The following SLC16A7 variants were observed in gnomAD, a reference collection of about 807,000 sequenced individuals.
SLC16A7 encodes the protein solute carrier family 16 member 7.
In SLC16A7, 33 loss-of-function variants were observed where a neutral mutation model predicts 34.9. The observed-to-expected ratio is 0.94, with a 90% CI of 0.72 to 1.26. SLC16A7 has a LOEUF of 1.26. Ranked by LOEUF, SLC16A7 falls within the 50% of genes most tolerant of loss-of-function variation. The probability of loss-of-function intolerance (pLI) is 0.00; values close to 1 mark genes in which losing one functional copy is unlikely to be tolerated. For missense variants in SLC16A7, 573 were observed against 578.1 expected (o/e 0.99, Z 0.09); for synonymous variants, 201 against 206.6 (o/e 0.97, Z 0.23).
rs148097502 is a variant in SLC16A7, at chr12:59,613,017, G to A, written c.-130+16781G>A. On this transcript the variant is annotated intron_variant, in intron 1 of 5. Transcript: ENST00000547379. ...CACATATTTGGGGATCTTTACAGCA[G>A]CACCCCACTCCTGGTACCAATTTAC... 8.1e-3 allele frequency among the ~76,000 whole-genome samples: 1,237 copies of A among 152,252 alleles called. 6 individuals are homozygous for A. Among genetic ancestry groups the A allele is most frequent in the Non-Finnish European group, 0.013 (851 of 68,022 alleles).
intron 4 of SLC16A7, among the ~76,000 whole-genome samples, chr12:59,773,767 G>A (rs1444359883): frequency 1.3e-5 from 2 of 152,056 alleles, no homozygotes; most frequent in Non-Finnish European, 2.9e-5. Context: ...GTTTCACCAT[G>A]TTGGCCAGGA....
chr12:59,637,221 A>T (rs1880468512), intron 1 of SLC16A7, among the ~76,000 whole-genome samples: 1 of 152,090 alleles, frequency 6.6e-6, no homozygotes, highest in African/African-American at 2.4e-5. Context: ...CACATATTTA[A>T]ATTTTTAAAA....
intron 4 of SLC16A7, among the ~76,000 whole-genome samples, chr12:59,773,798 C>G (rs1882469880): frequency 6.6e-6 from 1 of 152,100 alleles, no homozygotes; most frequent in Non-Finnish European, 1.5e-5. Flanking sequence ...CTCCTGACCT[C>G]ATGATCCATC....
chr12:59,643,083 T>C (rs1412173935), intron 1 of SLC16A7, among the ~76,000 whole-genome samples: 1 of 152,110 alleles, frequency 6.6e-6, no homozygotes, highest in Non-Finnish European at 1.5e-5. Flanking sequence ...TATTGGTAAA[T>C]GATATTACTT....
intron 1 of SLC16A7, among the ~76,000 whole-genome samples, chr12:59,638,896 G>A (rs996275399): frequency 6.6e-6 from 1 of 152,086 alleles, no homozygotes; most frequent in African/African-American, 2.4e-5. Context: ...TAATTTAATA[G>A]CTTACAATCC....
intron 1 of SLC16A7, among the ~76,000 whole-genome samples, chr12:59,628,935 A>G (rs1168696218): frequency 6.6e-6 from 1 of 151,740 alleles, no homozygotes; most frequent in Non-Finnish European, 1.5e-5. Context: ...GGGCTGCTAT[A>G]ATGAAATAAT....
intron 3 of SLC16A7, among the ~76,000 whole-genome samples, chr12:59,738,449 A>G (rs1238028126): frequency 1.3e-5 from 2 of 152,188 alleles, no homozygotes; most frequent in Non-Finnish European, 2.9e-5. Context: ...AACAAGATGC[A>G]GATGAACTGG....
intron 3 of SLC16A7, among the ~76,000 whole-genome samples, chr12:59,750,376 AC>A (rs1879382002): frequency 1.3e-5 from 2 of 152,220 alleles, no homozygotes; most frequent in South Asian, 4.1e-4. Flanking sequence ...CAAGAAAAAA[AC>A]AACCCCATCA....
chr12:59,705,593 T>C (rs961524437), intron 3 of SLC16A7, among the ~76,000 whole-genome samples: 40 of 152,170 alleles, frequency 2.6e-4, no homozygotes, highest in African/African-American at 9.4e-4. Flanking sequence ...CATTCTATGT[T>C]CAAATGAGGG....
intron 2 of SLC16A7, among the ~76,000 whole-genome samples, chr12:59,662,135 A>G (rs1868885773): frequency 6.6e-6 from 1 of 152,012 alleles, no homozygotes; most frequent in African/African-American, 2.4e-5. Context: ...CAAAATATAT[A>G]TCTGAGCCTT....
intron 3 of SLC16A7, among the ~76,000 whole-genome samples, chr12:59,766,112 C>T (rs577404988): frequency 6.6e-6 from 1 of 152,158 alleles, no homozygotes; most frequent in Non-Finnish European, 1.5e-5. Context: ...AATGGAAGTT[C>T]ACTCATGATT....
intron 3 of SLC16A7, among the ~76,000 whole-genome samples, chr12:59,737,535 T>C (rs1458989581): frequency 6.6e-6 from 1 of 152,220 alleles, no homozygotes; most frequent in African/African-American, 2.4e-5. Flanking sequence ...AAAATGTTTA[T>C]GCTCCTTAAC....
chr12:59,687,493 T>C (rs922656851), intron 2 of SLC16A7, among the ~76,000 whole-genome samples: 9 of 152,176 alleles, frequency 5.9e-5, no homozygotes, highest in African/African-American at 1.9e-4. Flanking sequence ...GCCATTTTTC[T>C]AACTTCTTCT....
chr12:59,775,176 T>A lies in SLC16A7; in HGVS notation c.881T>A (p.Met294Lys). 3.7e-6 allele frequency: 6 copies of A among 1,614,168 alleles called. No homozygotes were observed. Among genetic ancestry groups the A allele is most frequent in the Non-Finnish European group, 5.1e-6 (6 of 1,180,032 alleles). The part of the protein sequence containing the change: ...FLLSVMAFVD[M>K]FARPSVGLIA... ...CTATCTGTTATGGCTTTCGTTGATATGTTTGCTAGGCCTTCTGTAGGATTA... is the reference window on the plus strand; with the variant it reads ...CTATCTGTTATGGCTTTCGTTGATAAGTTTGCTAGGCCTTCTGTAGGATTA... Residue 294 changes from methionine to lysine, a missense_variant, in exon 5 of 6, where the codon ATG becomes AAG. By Grantham distance (95) the Met-to-Lys change is moderately conservative. Coordinates refer to ENST00000547379, the MANE Select transcript of SLC16A7 (RefSeq NM_001270623.2).
At chr12:59,744,287 G>A (rs1849947027) in intron 3 of SLC16A7, among the ~76,000 whole-genome samples, 1 of 152,070 alleles carries the variant, frequency 6.6e-6, no homozygotes, top group African/African-American at 2.4e-5. Flanking sequence ...AAAACCCTAG[G>A]CTCTGCTGGC....
intron 1 of SLC16A7, among the ~76,000 whole-genome samples, chr12:59,602,641 G>A (rs1329460038): frequency 2.6e-5 from 4 of 151,538 alleles, no homozygotes; most frequent in Non-Finnish European, 4.4e-5. Flanking sequence ...CCACCATCAC[G>A]TCTGGCTAAT....
rs1048995454 is a variant in SLC16A7, at chr12:59,720,299, T to C, written c.217+15281T>C. ...TTTCATAAATTTGGTCTATGTTTTC[T>C]TGAAATAGGTTTTTAGTCTTGTGAG... On this transcript the variant is annotated intron_variant, in intron 3 of 5. Coordinates refer to ENST00000547379, the MANE Select transcript of SLC16A7 (RefSeq NM_001270623.2). 10 of 516,660 alleles carry C rather than the reference T, an allele frequency of 1.9e-5. 1 individual carries two copies. The highest frequency in any genetic ancestry group is 1.4e-4 in the African/African-American group (7 of 49,930). 32.0% of individuals were successfully genotyped at this position (516,660 alleles called of 1,614,324 possible).
intron 2 of SLC16A7, among the ~76,000 whole-genome samples, chr12:59,673,817 A>G (rs1206433373): frequency 6.6e-6 from 1 of 152,122 alleles, no homozygotes; most frequent in Non-Finnish European, 1.5e-5. Flanking sequence ...ATCTAACTGG[A>G]AGAGGGCATT....
intron 3 of SLC16A7, among the ~76,000 whole-genome samples, chr12:59,729,978 GT>G (rs1284981969): frequency 6.6e-6 from 1 of 152,168 alleles, no homozygotes; most frequent in Admixed American, 6.5e-5. Context: ...CTTCTACTGA[GT>G]AGTCTGCAAG....
Sources: gnomAD v4.1 joint callset for allele counts (sites outside exome capture counted in the v4.1 genomes callset) on GRCh38, gnomAD v4.1.1 for gene constraint, MANE v1.5 for transcripts, NCBI Gene and HGNC (gene_info 2026-07-23, HGNC 2026-07-21) for gene names.